Variants in ABCD3 observed in about 807,000 individuals in gnomAD.
ABCD3 encodes the protein ATP binding cassette subfamily D member 3.
ABCD3 carries 41 observed loss-of-function variants against 105.5 expected under a neutral mutation model. The observed-to-expected ratio is 0.39, with a 90% CI of 0.30 to 0.50. The LOEUF (loss-of-function observed/expected upper bound fraction) is 0.50. Ranked by LOEUF, ABCD3 falls within the 20% of genes least tolerant of loss-of-function variation. ABCD3 has a pLI of 0.84. For missense variants in ABCD3, 622 were observed against 806.3 expected, an observed-to-expected ratio of 0.77 and a Z score of 2.77; for synonymous variants, 258 against 269.0, an observed-to-expected ratio of 0.96 and a Z score of 0.40.
Position 94,473,826 on chromosome 1 carries a change from C to T in ABCD3, c.396C>T (p.Ala132=), listed in dbSNP as rs2100993371. 7 of 1,611,984 alleles carry T rather than the reference C, an allele frequency of 4.3e-6. No individual in the cohort carries two copies. The highest frequency in any genetic ancestry group is 5.9e-6 in the Non-Finnish European group (7 of 1,178,800). Residue 132 remains alanine, a synonymous_variant, in exon 5 of 23, where the codon GCC becomes GCT. Coordinates refer to ENST00000370214, the MANE Select transcript of ABCD3 (RefSeq NM_002858.4). The part of the protein sequence containing the change: ...FKRYLLNFIA[A]MPLISLVNNF... ...GATACTTACTCAACTTCATCGCTGCCATGCCTCTTGTAAGTTTAATTCATT... is the reference window on the plus strand; with the variant it reads ...GATACTTACTCAACTTCATCGCTGCTATGCCTCTTGTAAGTTTAATTCATT...
intron 20 of ABCD3, 82 bp from the exon 21 acceptor site, chr1:94,506,456 G>A: frequency 1.3e-6 from 1 of 786,272 alleles, no homozygotes; most frequent in East Asian, 2.5e-5. Flanking sequence ...GACTACAAAT[G>A]CATATTTAAC....
At position 94,491,330 on chromosome 1, in the gene ABCD3, C is replaced by T; in HGVS notation, c.1386+83C>T. 4 of 1,043,058 alleles carry T rather than the reference C, an allele frequency of 3.8e-6. No individual in the cohort carries two copies. In the South Asian group the frequency reaches 5.5e-5, roughly 14 times the overall value. 64.6% of individuals were successfully genotyped at this position (1,043,058 alleles called of 1,614,324 possible). ...AAGATTACCTGAATATTTAAAGTAA[C>T]TTTAAGGCTCGACTTAGTCTCTGAA... On this transcript the variant is annotated intron_variant, in intron 16 of 22. Coordinates refer to ENST00000370214, the MANE Select transcript of ABCD3 (RefSeq NM_002858.4).
chr1:94,458,340 T>C (rs1647690975), intron 1 of ABCD3, among the ~76,000 whole-genome samples: 1 of 152,240 alleles, frequency 6.6e-6, no homozygotes, highest in Non-Finnish European at 1.5e-5. Flanking sequence ...TGTTTGTATT[T>C]ATACACACAC....
At chr1:94,503,793 C>T (rs1650219303) in intron 20 of ABCD3, among the ~76,000 whole-genome samples, 1 of 148,620 alleles carries the variant, frequency 6.7e-6, no homozygotes, top group African/African-American at 2.5e-5. Context: ...ACAGTCTCTG[C>T]TTTTCTGAAT....
At chr1:94,470,828 T>C (rs958184738) in intron 4 of ABCD3, among the ~76,000 whole-genome samples, 3 of 152,200 alleles carry the variant, frequency 2.0e-5, no homozygotes, top group South Asian at 2.1e-4. Flanking sequence ...TTATTTGTTA[T>C]AATTTTATTT....
At chr1:94,455,465 A>G (rs908126549) in intron 1 of ABCD3, among the ~76,000 whole-genome samples, 16 of 151,892 alleles carry the variant, frequency 1.1e-4, no homozygotes, top group Non-Finnish European at 2.9e-5. Context: ...AGCTGGGATT[A>G]CAGGCATGCA....
chr1:94,409,494 GAATT>G, the ABCD3 span, among the ~76,000 whole-genome samples: 1 of 152,132 alleles, frequency 6.6e-6, no homozygotes, highest in Non-Finnish European at 1.5e-5. Context: ...AATATAGTAT[GAATT>G]AATTTAGACC....
chr1:94,439,040 T>C (rs1660037025), intron 1 of ABCD3, among the ~76,000 whole-genome samples: 1 of 152,218 alleles, frequency 6.6e-6, no homozygotes, highest in Non-Finnish European at 1.5e-5. Flanking sequence ...TTTAGGTCAC[T>C]GGCTTTATAG....
chr1:94,416,005 G>C (rs954424328), upstream of ABCD3, among the ~76,000 whole-genome samples: 10 of 152,200 alleles, frequency 6.6e-5, no homozygotes, highest in Non-Finnish European at 1.2e-4. Context: ...CGAATAACTA[G>C]TGTAATTTTT....
Position 94,491,265 on chromosome 1 carries a change from C to A in ABCD3, c.1386+18C>A. 1.9e-6 allele frequency: 3 copies of A among 1,567,208 alleles called. No individual in the cohort carries two copies. The highest frequency in any genetic ancestry group is 2.2e-5 in the South Asian group (2 of 89,614). ...ATTTTGAAGTAAGTTTTTAAATGAT[C>A]ATATAAAAGCTTAAATCATCTTTAA... On this transcript the variant is annotated intron_variant, in intron 16 of 22. Coordinates refer to ENST00000370214, the MANE Select transcript of ABCD3 (RefSeq NM_002858.4).
the ABCD3 span, among the ~76,000 whole-genome samples, chr1:94,402,798 C>G: frequency 6.6e-6 from 1 of 151,464 alleles, no homozygotes; most frequent in Admixed American, 6.6e-5. Context: ...TACTTCCTCT[C>G]TTTTTTTTTC....
At chr1:94,407,109 T>C in the ABCD3 span, among the ~76,000 whole-genome samples, 1 of 152,108 alleles carries the variant, frequency 6.6e-6, no homozygotes, top group African/African-American at 2.4e-5. Flanking sequence ...TAAATTAGCT[T>C]AGGGAGAACT....
chr1:94,448,558 A>G (rs1660446185), intron 1 of ABCD3, among the ~76,000 whole-genome samples: 1 of 152,150 alleles, frequency 6.6e-6, no homozygotes, highest in African/African-American at 2.4e-5. Context: ...TGTAGCTGTA[A>G]TTGAGGTATT....
At chr1:94,429,482 A>G (rs1198795815) in intron 1 of ABCD3, among the ~76,000 whole-genome samples, 1 of 152,050 alleles carries the variant, frequency 6.6e-6, no homozygotes, top group Non-Finnish European at 1.5e-5. Flanking sequence ...TAGGAGGAAA[A>G]ATTGGTTTCA....
At chr1:94,421,282 A>T (rs2100865100) in intron 1 of ABCD3, among the ~76,000 whole-genome samples, 1 of 152,202 alleles carries the variant, frequency 6.6e-6, no homozygotes, top group South Asian at 2.1e-4. Context: ...TTAGTTGTAC[A>T]TTTTTTAAAC....
At chr1:94,392,941 G>A in the ABCD3 span, among the ~76,000 whole-genome samples, 9 of 151,638 alleles carry the variant, frequency 5.9e-5, no homozygotes, top group East Asian at 3.9e-4. Context: ...GTAAAACCCC[G>A]TCTCTGCTAA....
intron 1 of ABCD3, among the ~76,000 whole-genome samples, chr1:94,449,867 ATGGT>A (rs1414303394): frequency 6.6e-6 from 1 of 152,244 alleles, no homozygotes; most frequent in African/African-American, 2.4e-5. Flanking sequence ...ACATGGCGGT[ATGGT>A]GGCACCTCAA....
intron 3 of ABCD3, 55 bp downstream of exon 3, chr1:94,464,928 A>G (rs568621064): frequency 2.9e-6 from 4 of 1,381,064 alleles, no homozygotes; most frequent in East Asian, 4.6e-5. Context: ...TTAATAAAAT[A>G]CCTGAGGCTG....
At chr1:94,499,265 G>A (rs1649979380) in intron 19 of ABCD3, among the ~76,000 whole-genome samples, 1 of 152,112 alleles carries the variant, frequency 6.6e-6, no homozygotes, top group East Asian at 1.9e-4. Context: ...CTTTTACTGT[G>A]TACAATAGTG....
Sources: gnomAD v4.1 joint callset for allele counts (sites outside exome capture counted in the v4.1 genomes callset) on GRCh38, gnomAD v4.1.1 for gene constraint, MANE v1.5 for transcripts, NCBI Gene and HGNC (gene_info 2026-07-23, HGNC 2026-07-21) for gene names.